Variants in CAB39L observed in about 807,000 individuals in gnomAD.
CAB39L encodes the protein calcium-binding protein 39-like.
Under a neutral mutation model 39.1 loss-of-function variants are expected in CAB39L, and 23 were observed. That is an observed-to-expected ratio of 0.59 (90% CI 0.42 to 0.83). The LOEUF (loss-of-function observed/expected upper bound fraction) is 0.83. Among genes scored for constraint, CAB39L ranks in the 40% least tolerant of loss-of-function variants. The pLI is 0.00. For missense variants in CAB39L, 366 were observed against 391.9 expected (o/e 0.93, Z 0.56); for synonymous variants, 126 against 137.2 (o/e 0.92, Z 0.57).
intron 5 of CAB39L, among the ~76,000 whole-genome samples, chr13:49,370,495 T>A (rs1363880261): frequency 6.6e-6 from 1 of 152,180 alleles, no homozygotes; most frequent in Non-Finnish European, 1.5e-5. Flanking sequence ...GTTCCAGAAT[T>A]CCTGCAGAAA....
chr13:49,365,050 A>G (rs982565704), intron 5 of CAB39L, among the ~76,000 whole-genome samples: 8 of 152,176 alleles, frequency 5.3e-5, no homozygotes, highest in Non-Finnish European at 1.2e-4. Context: ...GAATTATACT[A>G]CAGAGCTATA....
chr13:49,343,413 T>A (rs557864745), intron 8 of CAB39L, among the ~76,000 whole-genome samples: 2 of 152,318 alleles, frequency 1.3e-5, no homozygotes, highest in South Asian at 2.1e-4. Flanking sequence ...AGGAGGCAGG[T>A]CTTGAAGCCA....
intron 3 of CAB39L, among the ~76,000 whole-genome samples, chr13:49,418,761 A>G (rs1041758424): frequency 1.4e-4 from 21 of 151,972 alleles, no homozygotes; most frequent in African/African-American, 5.1e-4. Context: ...GGGTTTCACC[A>G]TGTTGGCCAG....
chr13:49,393,180 C>T (rs571892270), intron 3 of CAB39L: 1 of 152,064 alleles, frequency 6.6e-6, no homozygotes, highest in South Asian at 2.1e-4. Context: ...ATATGAACAA[C>T]TGAAATTAGT....
At chr13:49,429,752 G>A (rs904081588) in intron 3 of CAB39L, among the ~76,000 whole-genome samples, 2 of 152,150 alleles carry the variant, frequency 1.3e-5, no homozygotes, top group African/African-American at 2.4e-5. Context: ...GAAATAAAAT[G>A]TTCTCTTATA....
At chr13:49,370,416 C>T (rs1955889629) in intron 5 of CAB39L, among the ~76,000 whole-genome samples, 1 of 152,106 alleles carries the variant, frequency 6.6e-6, no homozygotes, top group Non-Finnish European at 1.5e-5. Flanking sequence ...AAAATACGAC[C>T]ACTGATGGAA....
chr13:49,343,057 T>C (rs2138434090), intron 8 of CAB39L, among the ~76,000 whole-genome samples: 1 of 152,318 alleles, frequency 6.6e-6, no homozygotes, highest in African/African-American at 2.4e-5. Context: ...ATTATATTTC[T>C]ACTGGACAGC....
chr13:49,408,566 G>A lies in CAB39L; in HGVS notation c.-32+24752C>T, dbSNP rs375803456. On this transcript the variant is annotated intron_variant, in intron 3 of 10. Coordinates refer to ENST00000409308, the MANE Select transcript of CAB39L (RefSeq NM_001079670.3). ...AAAGGGCAACTGGCTGGGCGTAGTG[G>A]CTCACCCCTGTAATCTCAGCACTCT... 3.9e-5 allele frequency among the ~76,000 whole-genome samples: 6 copies of A among 152,264 alleles called. No individual in the cohort carries two copies. The East Asian group carries it at 1.2e-3, about 29-fold the overall frequency.
chr13:49,352,834 A>G (rs1955392274), intron 6 of CAB39L, among the ~76,000 whole-genome samples: 1 of 152,334 alleles, frequency 6.6e-6, no homozygotes. Flanking sequence ...TGGAACTTTT[A>G]TGATACTATA....
At chr13:49,361,471 TCA>T (rs1955626510) in intron 5 of CAB39L, among the ~76,000 whole-genome samples, 2 of 54,028 alleles carry the variant, frequency 3.7e-5, no homozygotes, top group Admixed American at 5.5e-4. Context: ...GAGCAAGACT[TCA>T]TCTCAAAAAA....
chr13:49,442,773 AAG>A (rs901523842), intron 1 of CAB39L, among the ~76,000 whole-genome samples: 3 of 138,976 alleles, frequency 2.2e-5, no homozygotes, highest in Non-Finnish European at 4.5e-5. Context: ...CATAGGCGAC[AAG>A]AGACTCCATC....
intron 1 of CAB39L, among the ~76,000 whole-genome samples, chr13:49,441,037 C>T (rs904632609): frequency 4.6e-5 from 7 of 151,710 alleles, no homozygotes; most frequent in Non-Finnish European, 1.0e-4. Context: ...TGTCTGAGCT[C>T]TTATTTCTGA....
chr13:49,331,923 G>A (rs1954709835), intron 10 of CAB39L, 24 bp downstream of exon 10: 1 of 1,610,854 alleles, frequency 6.2e-7, no homozygotes, highest in Admixed American at 1.7e-5. Flanking sequence ...CTACAACATT[G>A]TTTCCAGAGC....
intron 6 of CAB39L, among the ~76,000 whole-genome samples, chr13:49,351,399 T>A (rs1455519200): frequency 2.6e-5 from 4 of 151,924 alleles, no homozygotes; most frequent in Admixed American, 1.3e-4. Context: ...AGAACAGGCT[T>A]GGCGAAACAG....
chr13:49,433,842 G>C (rs934768254), intron 2 of CAB39L, among the ~76,000 whole-genome samples: 29 of 152,122 alleles, frequency 1.9e-4, no homozygotes, highest in Non-Finnish European at 5.9e-5. Flanking sequence ...TATTTCTATT[G>C]TTTCCTAGCA....
chr13:49,369,550 G>A (rs1273776127), intron 5 of CAB39L, among the ~76,000 whole-genome samples: 4 of 151,978 alleles, frequency 2.6e-5, no homozygotes, highest in South Asian at 2.1e-4. Flanking sequence ...GCCAGAGGCC[G>A]AGGACAGGAA....
intron 3 of CAB39L, among the ~76,000 whole-genome samples, chr13:49,397,004 C>T (rs1183282844): frequency 6.6e-6 from 1 of 152,018 alleles, no homozygotes; most frequent in African/African-American, 2.4e-5. Flanking sequence ...AGACTCTCCC[C>T]CAAAAAACAT....
At chr13:49,397,217 T>C (rs944165803) in intron 3 of CAB39L, among the ~76,000 whole-genome samples, 2 of 152,206 alleles carry the variant, frequency 1.3e-5, no homozygotes, top group Non-Finnish European at 2.9e-5. Flanking sequence ...CTTGAAAACC[T>C]ATAGATATGA....
chr13:49,397,102 T>C (rs985639043), intron 3 of CAB39L, among the ~76,000 whole-genome samples: 1 of 152,208 alleles, frequency 6.6e-6, no homozygotes, highest in East Asian at 1.9e-4. Context: ...AACCATATTA[T>C]ATATGTCAAA....
Sources: gnomAD v4.1 joint callset for allele counts (sites outside exome capture counted in the v4.1 genomes callset) on GRCh38, gnomAD v4.1.1 for gene constraint, MANE v1.5 for transcripts, NCBI Gene and HGNC (gene_info 2026-07-23, HGNC 2026-07-21) for gene names.